The following KCNB2 variants were observed in gnomAD, a reference collection of about 807,000 sequenced individuals.
The protein encoded by KCNB2 is delayed rectifier potassium channel protein.
Under a neutral mutation model 61.5 loss-of-function variants are expected in KCNB2, and 15 were observed. The ratio of observed to expected loss-of-function variants is 0.24; its 90% confidence interval spans 0.16 to 0.38. KCNB2 has a LOEUF of 0.38. KCNB2 is among the 10% of genes least tolerant of loss of function. The probability of loss-of-function intolerance (pLI) is 1.00; values close to 1 mark genes in which losing one functional copy is unlikely to be tolerated. For missense variants in KCNB2, 828 were observed against 1,125.2 expected, an observed-to-expected ratio of 0.74 and a Z score of 3.78; for synonymous variants, 457 against 446.0, an observed-to-expected ratio of 1.02 and a Z score of -0.31.
At chr8:72,883,449 G>A (rs536347971) in intron 2 of KCNB2, among the ~76,000 whole-genome samples, 1 of 152,168 alleles carries the variant, frequency 6.6e-6, no homozygotes. Context: ...CACTTCAGTT[G>A]TATAAAAGCA....
intron 2 of KCNB2, among the ~76,000 whole-genome samples, chr8:72,870,286 T>C (rs1446327546): frequency 1.3e-5 from 2 of 152,196 alleles, no homozygotes. Context: ...GTGCCTATAC[T>C]TAACAATACT....
chr8:72,739,866 T>C lies in KCNB2; in HGVS notation c.579+171553T>C, dbSNP rs539200277. 9.2e-5 allele frequency among the ~76,000 whole-genome samples: 14 copies of C among 152,256 alleles called. 1 individual carries two copies. The South Asian group carries it at 2.9e-3, about 32-fold the overall frequency. On this transcript the variant is annotated intron_variant, in intron 2 of 2. Coordinates refer to ENST00000523207, the MANE Select transcript of KCNB2 (RefSeq NM_004770.3). Reference sequence around the variant, plus strand: ...GATTGTTTGATGGGAATTCTAACTTTCTAACTAAACAGAAGAGAGAAACCA... The same window carrying C: ...GATTGTTTGATGGGAATTCTAACTTCCTAACTAAACAGAAGAGAGAAACCA...
chr8:72,793,641 G>T (rs933523802), intron 2 of KCNB2, among the ~76,000 whole-genome samples: 1 of 152,096 alleles, frequency 6.6e-6, no homozygotes, highest in Non-Finnish European at 1.5e-5. Flanking sequence ...GAATTTTTAG[G>T]ATTAGGGGAG....
chr8:72,915,641 C>G (rs918920338), intron 2 of KCNB2, among the ~76,000 whole-genome samples: 2 of 152,038 alleles, frequency 1.3e-5, no homozygotes, highest in Admixed American at 6.6e-5. Flanking sequence ...AATCTGCTGC[C>G]GGGCACGGTG....
chr8:72,916,401 A>G (rs1275990493), intron 2 of KCNB2, among the ~76,000 whole-genome samples: 1 of 152,052 alleles, frequency 6.6e-6, no homozygotes, highest in East Asian at 1.9e-4. Context: ...CCACCCCCTC[A>G]CGGGACGGGG....
chr8:72,921,003 G>A (rs1292323701), intron 2 of KCNB2, among the ~76,000 whole-genome samples: 2 of 152,092 alleles, frequency 1.3e-5, no homozygotes, highest in Admixed American at 6.6e-5. Flanking sequence ...TCAAAAGAGC[G>A]AGAGTTCTGT....
At chr8:72,921,753 T>C (rs2129008281) in intron 2 of KCNB2, among the ~76,000 whole-genome samples, 1 of 152,332 alleles carries the variant, frequency 6.6e-6, no homozygotes, top group Non-Finnish European at 1.5e-5. Flanking sequence ...CGGTTTAGAA[T>C]GCAGGTGTTA....
chr8:72,778,838 T>C (rs1808709303), intron 2 of KCNB2, among the ~76,000 whole-genome samples: 1 of 147,570 alleles, frequency 6.8e-6, no homozygotes, highest in South Asian at 2.2e-4. Flanking sequence ...AAGTTCGAGA[T>C]ATCAGAGTCA....
At chr8:72,783,526 G>A (rs1230768720) in intron 2 of KCNB2, among the ~76,000 whole-genome samples, 1 of 152,052 alleles carries the variant, frequency 6.6e-6, no homozygotes, top group Non-Finnish European at 1.5e-5. Context: ...GATGCTCAGG[G>A]TACAATTCAA....
intron 2 of KCNB2, among the ~76,000 whole-genome samples, chr8:72,577,868 T>C (rs1307496492): frequency 6.6e-6 from 1 of 152,202 alleles, no homozygotes; most frequent in African/African-American, 2.4e-5. Context: ...GTTTTAGCTT[T>C]AATCAATATA....
At chr8:72,920,465 C>CTATATATATATATA (rs1261158124) in intron 2 of KCNB2, among the ~76,000 whole-genome samples, 16 of 71,096 alleles carry the variant, frequency 2.3e-4, no homozygotes, top group East Asian at 1.3e-3. Context: ...ATCTATCTAT[C>CTATATATATATATA]TATCTATCTA....
chr8:72,836,682 A>G (rs1004475781), intron 2 of KCNB2, among the ~76,000 whole-genome samples: 2 of 152,220 alleles, frequency 1.3e-5, no homozygotes, highest in Admixed American at 1.3e-4. Context: ...AAGCAGAAGC[A>G]GGTGGATTGC....
At chr8:72,579,133 A>G (rs1016646533) in intron 2 of KCNB2, among the ~76,000 whole-genome samples, 3 of 152,112 alleles carry the variant, frequency 2.0e-5, no homozygotes, top group East Asian at 3.8e-4. Flanking sequence ...TAATCTCTAC[A>G]TACCTGCTTC....
chr8:72,840,889 C>T (rs779325699), intron 2 of KCNB2, among the ~76,000 whole-genome samples: 42 of 152,056 alleles, frequency 2.8e-4, no homozygotes, highest in African/African-American at 5.6e-4. Context: ...TTTTGCTGTA[C>T]GGAAGCTCTT....
intron 2 of KCNB2, among the ~76,000 whole-genome samples, chr8:72,671,126 A>G (rs913459034): frequency 6.6e-6 from 1 of 152,162 alleles, no homozygotes; most frequent in Non-Finnish European, 1.5e-5. Flanking sequence ...CTAAACAGGG[A>G]TGGAGGTTGA....
intron 2 of KCNB2, among the ~76,000 whole-genome samples, chr8:72,634,418 A>G (rs1178229226): frequency 6.6e-6 from 1 of 152,166 alleles, no homozygotes; most frequent in Non-Finnish European, 1.5e-5. Context: ...TCATATTTCT[A>G]ACCACTTCCC....
At chr8:72,839,271 T>C (rs1000589850) in intron 2 of KCNB2, among the ~76,000 whole-genome samples, 1 of 152,212 alleles carries the variant, frequency 6.6e-6, no homozygotes, top group Non-Finnish European at 1.5e-5. Context: ...GATTAGTCAT[T>C]ATTTAAGTGG....
At chr8:72,847,627 G>A (rs1810017709) in intron 2 of KCNB2, among the ~76,000 whole-genome samples, 4 of 152,124 alleles carry the variant, frequency 2.6e-5, no homozygotes, top group Admixed American at 2.6e-4. Context: ...AATTTCATTT[G>A]ATGGACTCAT....
intron 2 of KCNB2, among the ~76,000 whole-genome samples, chr8:72,712,648 A>T (rs1353486121): frequency 6.6e-6 from 1 of 152,226 alleles, no homozygotes; most frequent in African/African-American, 2.4e-5. Context: ...ATTCATTTTG[A>T]CAATAAATCT....
Sources: gnomAD v4.1 joint callset for allele counts (sites outside exome capture counted in the v4.1 genomes callset) on GRCh38, gnomAD v4.1.1 for gene constraint, MANE v1.5 for transcripts, NCBI Gene and HGNC (gene_info 2026-07-23, HGNC 2026-07-21) for gene names.